CPNE4: variants seen among roughly 807,000 people sequenced by gnomAD.
CPNE4 encodes the protein copine-4.
In CPNE4, 25 loss-of-function variants were observed where a neutral mutation model predicts 67.9. The ratio of observed to expected loss-of-function variants is 0.37; its 90% CI spans 0.27 to 0.51. CPNE4 has a LOEUF of 0.51. CPNE4 is among the 20% of genes least tolerant of loss of function. CPNE4 has a pLI of 0.93. For missense variants in CPNE4, 464 were observed against 690.8 expected (o/e 0.67, Z 3.68); for synonymous variants, 242 against 244.9 (o/e 0.99, Z 0.11).
chr3:131,609,430 G>A (rs2107738143), intron 7 of CPNE4, among the ~76,000 whole-genome samples: 1 of 152,272 alleles, frequency 6.6e-6, no homozygotes, highest in Non-Finnish European at 1.5e-5. Context: ...GGAATGAGGT[G>A]TGCTCTCTCC....
intron 1 of CPNE4, among the ~76,000 whole-genome samples, chr3:131,942,455 TGTGTGTGTGAGAGAGAGAGA>T (rs2071420186): frequency 1.6e-5 from 1 of 62,282 alleles, no homozygotes; most frequent in Non-Finnish European, 3.1e-5. Context: ...TGTGTGTGTG[TGTGTGTGTGAGAGAGAGAGA>T]GAGAGAGAGA....
At chr3:131,598,865 A>C in intron 7 of CPNE4, among the ~76,000 whole-genome samples, 1 of 145,970 alleles carries the variant, frequency 6.9e-6, no homozygotes, top group East Asian at 2.0e-4. Context: ...CCGCCAAAAA[A>C]AAATTACCCA....
At chr3:131,807,442 G>T (rs771962950) in intron 2 of CPNE4, among the ~76,000 whole-genome samples, 11 of 152,110 alleles carry the variant, frequency 7.2e-5, no homozygotes, top group Non-Finnish European at 1.6e-4. Context: ...TATACCTGTT[G>T]CATGTTATTT....
intron 1 of CPNE4, among the ~76,000 whole-genome samples, chr3:131,976,181 T>A (rs958042725): frequency 6.6e-6 from 1 of 151,080 alleles, no homozygotes; most frequent in East Asian, 1.9e-4. Flanking sequence ...AGGGTCACAG[T>A]GGTATTAATG....
chr3:131,686,608 G>T (rs1030741068), intron 5 of CPNE4, among the ~76,000 whole-genome samples: 2 of 151,884 alleles, frequency 1.3e-5, no homozygotes, highest in African/African-American at 4.9e-5. Flanking sequence ...ATCCATTTCT[G>T]ATTTCCTTTA....
chr3:132,036,331 G>A (rs1387895453), upstream of CPNE4, among the ~76,000 whole-genome samples: 1 of 152,002 alleles, frequency 6.6e-6, no homozygotes, highest in East Asian at 1.9e-4. Flanking sequence ...ACACTAATGG[G>A]CCAGGACTTC....
At chr3:131,654,088 T>G (rs1346078619) in intron 7 of CPNE4, among the ~76,000 whole-genome samples, 1 of 152,200 alleles carries the variant, frequency 6.6e-6, no homozygotes, top group East Asian at 1.9e-4. Context: ...TGGTCTGAGG[T>G]GGGGTCTAGG....
chr3:131,722,194 A>G (rs2081904992), intron 3 of CPNE4, among the ~76,000 whole-genome samples: 1 of 152,178 alleles, frequency 6.6e-6, no homozygotes, highest in African/African-American at 2.4e-5. Flanking sequence ...TCTCTTTGTC[A>G]GGTAGACTCT....
At chr3:131,660,264 T>A (rs185987161) in intron 7 of CPNE4, among the ~76,000 whole-genome samples, 1 of 152,186 alleles carries the variant, frequency 6.6e-6, no homozygotes, top group African/African-American at 2.4e-5. Context: ...TATTTTGACA[T>A]TGAAGCACCT....
intron 14 of CPNE4, among the ~76,000 whole-genome samples, chr3:131,548,507 A>AAGGT (rs912968516): frequency 2.0e-5 from 3 of 152,066 alleles, no homozygotes; most frequent in Non-Finnish European, 4.4e-5. Flanking sequence ...TATTTTAGAT[A>AAGGT]AGGTAGCCAG....
intron 2 of CPNE4, among the ~76,000 whole-genome samples, chr3:131,812,373 A>C (rs190472076): frequency 1.1e-4 from 17 of 152,096 alleles, no homozygotes; most frequent in African/African-American, 4.1e-4. Context: ...GGAAAAAGTC[A>C]AAGACAAATA....
At chr3:131,901,457 A>G (rs530972006) in intron 2 of CPNE4, among the ~76,000 whole-genome samples, 40 of 152,202 alleles carry the variant, frequency 2.6e-4, no homozygotes, top group African/African-American at 8.9e-4. Context: ...TCAGTTTGTA[A>G]TGTATTTCAA....
chr3:131,695,058 G>C (rs75553543), intron 5 of CPNE4, among the ~76,000 whole-genome samples: 2 of 152,164 alleles, frequency 1.3e-5, no homozygotes, highest in Non-Finnish European at 2.9e-5. Flanking sequence ...AAGAGGTTGT[G>C]TGAAATGATC....
At chr3:131,557,695 T>G (rs1014687041) in intron 11 of CPNE4, among the ~76,000 whole-genome samples, 7 of 152,088 alleles carry the variant, frequency 4.6e-5, no homozygotes, top group Non-Finnish European at 7.4e-5. Flanking sequence ...CAACAGCTTA[T>G]GAAGGATTAG....
chr3:131,837,995 A>T (rs1326139046), intron 2 of CPNE4, among the ~76,000 whole-genome samples: 1 of 151,966 alleles, frequency 6.6e-6, no homozygotes, highest in Non-Finnish European at 1.5e-5. Flanking sequence ...CACCATTTTT[A>T]GAGTATTTTC....
intron 2 of CPNE4, among the ~76,000 whole-genome samples, chr3:131,891,183 G>T (rs1208544069): frequency 6.6e-6 from 1 of 151,990 alleles, no homozygotes; most frequent in South Asian, 2.1e-4. Context: ...CTGGATTGTG[G>T]TGATACCAGT....
chr3:131,546,928 A>G (rs932945810), intron 14 of CPNE4, among the ~76,000 whole-genome samples: 10 of 152,276 alleles, frequency 6.6e-5, no homozygotes, highest in Admixed American at 2.6e-4. Flanking sequence ...TTTTAAGTCT[A>G]TTTTATATGT....
At chr3:131,940,424 T>C (rs185639618) in intron 1 of CPNE4, among the ~76,000 whole-genome samples, 42 of 152,264 alleles carry the variant, frequency 2.8e-4, no homozygotes, top group Admixed American at 2.4e-3. Flanking sequence ...TATTATTTCA[T>C]GTTTTTTACA....
chr3:131,623,067 GA>G (rs1175569669), intron 7 of CPNE4, among the ~76,000 whole-genome samples: 1 of 152,110 alleles, frequency 6.6e-6, no homozygotes, highest in Non-Finnish European at 1.5e-5. Context: ...AAGGACAGAG[GA>G]GGGGCCAGGT....
Sources: allele counts gnomAD v4.1 joint callset (sites outside exome capture counted in the v4.1 genomes callset), GRCh38; gene constraint gnomAD v4.1.1; transcripts MANE v1.5; gene names NCBI Gene and HGNC (gene_info 2026-07-23, HGNC 2026-07-21).